The following NMNAT3 variants were observed in gnomAD, a reference collection of about 807,000 sequenced individuals.
NMNAT3 encodes nicotinamide nucleotide adenylyltransferase 3.
A neutral mutation model predicts 24.8 loss-of-function variants in NMNAT3; 21 were observed. The ratio of observed to expected loss-of-function variants is 0.85; its 90% CI spans 0.60 to 1.22. The LOEUF (loss-of-function observed/expected upper bound fraction) is 1.22. Among genes scored for constraint, NMNAT3 ranks in the 50% most tolerant of loss-of-function variants. NMNAT3 has a pLI of 0.00. For synonymous variants in NMNAT3, 136 were observed against 155.2 expected, an observed-to-expected ratio of 0.88 and a Z score of 0.92; for missense variants, 387 against 436.6, an observed-to-expected ratio of 0.89 and a Z score of 1.01.
rs2054487227 is a variant in NMNAT3, at chr3:139,596,914, GTGTATA to G, written c.110-13712_110-13707del. Among the ~76,000 whole-genome samples, 2 of 28,494 alleles carry G rather than the reference GTGTATA, an allele frequency of 7.0e-5. 1 individual carries two copies. The highest frequency in any genetic ancestry group is 5.0e-3 in the South Asian group (2 of 404). The allele number at this position is 28,494 out of a possible 152,430, so 18.7% of individuals were successfully genotyped here. On this transcript the variant is annotated intron_variant, in intron 3 of 6. Transcript: ENST00000643695. ...TTTTTCCACTATATTTTTGTCATGT[GTGTATA>G]TATATATATATATATATATATATAT...
chr3:139,596,916 G>GTATATATATA (rs58824425), intron 3 of NMNAT3, among the ~76,000 whole-genome samples: 44 of 97,098 alleles, frequency 4.5e-4, no homozygotes, highest in African/African-American at 7.0e-4. Context: ...TGTCATGTGT[G>GTATATATATA]TATATATATA....
At chr3:139,670,661 C>T (rs888169307) in intron 1 of NMNAT3, among the ~76,000 whole-genome samples, 2 of 152,178 alleles carry the variant, frequency 1.3e-5, no homozygotes, top group Non-Finnish European at 2.9e-5. Flanking sequence ...TGGCAGTACA[C>T]ACATAATATC....
intron 3 of NMNAT3, chr3:139,583,986 A>G (rs2053799869): frequency 5.4e-6 from 1 of 184,276 alleles, no homozygotes; most frequent in African/African-American, 2.3e-5. Context: ...TTCCTTGGGC[A>G]ATATTGCTAG....
chr3:139,593,382 G>C (rs1405462779), intron 3 of NMNAT3, among the ~76,000 whole-genome samples: 1 of 152,030 alleles, frequency 6.6e-6, no homozygotes, highest in Non-Finnish European at 1.5e-5. Flanking sequence ...ACACCCCACT[G>C]TCAACATTAG....
chr3:139,588,717 C>G (rs550074368), intron 3 of NMNAT3, among the ~76,000 whole-genome samples: 1 of 152,168 alleles, frequency 6.6e-6, no homozygotes, highest in African/African-American at 2.4e-5. Flanking sequence ...TAATCGCCTA[C>G]GTTATCCTCC....
rs142578220 is a variant in NMNAT3 at position 139,631,577 on chromosome 3, G to A, written c.-40-3813C>T. Among the ~76,000 whole-genome samples, 4 of 152,274 alleles carry A rather than the reference G, an allele frequency of 2.6e-5. No individual in the cohort carries two copies. In the East Asian group the frequency reaches 7.7e-4, roughly 29 times the overall value. On this transcript the variant is annotated intron_variant, in intron 2 of 6. Transcript: ENST00000643695. Reference sequence around the variant, plus strand: ...GAAGGATTTAACAAGTTGAGAATGTGGTGTACAGGCTTGTTGGAATTTATC... The same window carrying A: ...GAAGGATTTAACAAGTTGAGAATGTAGTGTACAGGCTTGTTGGAATTTATC...
intron 6 of NMNAT3, chr3:139,572,167 A>C: frequency 2.5e-6 from 1 of 398,744 alleles, no homozygotes; most frequent in Non-Finnish European, 4.4e-6. Flanking sequence ...CTCTGTTCTC[A>C]GCCTGAGCCC....
chr3:139,580,120 C>T (rs928018050), intron 4 of NMNAT3, among the ~76,000 whole-genome samples: 23 of 152,116 alleles, frequency 1.5e-4, no homozygotes, highest in Admixed American at 3.3e-4. Flanking sequence ...TCATAAAAAG[C>T]GTTGGAGAGT....
intron 1 of NMNAT3, among the ~76,000 whole-genome samples, chr3:139,647,943 C>T (rs2056923545): frequency 6.6e-6 from 1 of 152,190 alleles, no homozygotes; most frequent in Admixed American, 6.5e-5. Context: ...AAAGCTATCC[C>T]CCAGATTCTA....
chr3:139,573,571 C>T (rs1166321502), intron 6 of NMNAT3, 27 bp downstream of exon 6: 6 of 1,426,558 alleles, frequency 4.2e-6, no homozygotes, highest in South Asian at 2.6e-5. Flanking sequence ...ATCTCATTCT[C>T]CTACAGACAA....
chr3:139,572,837 C>T (rs1343219986), intron 6 of NMNAT3, among the ~76,000 whole-genome samples: 2 of 152,212 alleles, frequency 1.3e-5, no homozygotes, highest in Non-Finnish European at 2.9e-5. Context: ...AGAGAAACCA[C>T]ATTAGGTGTG....
At chr3:139,603,170 C>T (rs1006873011) in intron 3 of NMNAT3, among the ~76,000 whole-genome samples, 5 of 152,128 alleles carry the variant, frequency 3.3e-5, no homozygotes, top group East Asian at 3.9e-4. Context: ...CTGCAGATTG[C>T]GGATCCTTTG....
chr3:139,571,148 C>T (rs1938239170), intron 6 of NMNAT3: 1 of 152,346 alleles, frequency 6.6e-6, no homozygotes, highest in African/African-American at 2.4e-5. Context: ...CCCTCCGAGC[C>T]ATGTGTGGGA....
At chr3:139,582,301 G>A (rs867562779) in intron 4 of NMNAT3, among the ~76,000 whole-genome samples, 5 of 148,544 alleles carry the variant, frequency 3.4e-5, no homozygotes, top group Middle Eastern at 3.7e-3. Context: ...GTTTATAAAA[G>A]AGATGTCATT....
At chr3:139,618,178 C>T (rs1213957791) in intron 3 of NMNAT3, among the ~76,000 whole-genome samples, 4 of 152,150 alleles carry the variant, frequency 2.6e-5, no homozygotes, top group Non-Finnish European at 5.9e-5. Flanking sequence ...CCCAAACATT[C>T]TTTCAAGTAA....
intron 4 of NMNAT3, 92 bp from the exon 5 acceptor site, chr3:139,579,147 C>A: frequency 9.6e-7 from 1 of 1,046,552 alleles, no homozygotes; most frequent in Non-Finnish European, 1.4e-6. Context: ...GTCTCCAGTG[C>A]CTCATCCTGA....
chr3:139,596,872 T>G (rs1418978088), intron 3 of NMNAT3, among the ~76,000 whole-genome samples: 1 of 145,950 alleles, frequency 6.9e-6, no homozygotes, highest in Non-Finnish European at 1.5e-5. Flanking sequence ...TGGCTGTTCA[T>G]CTTGTGAATG....
At chr3:139,588,212 C>T (rs1465176890) in intron 3 of NMNAT3, among the ~76,000 whole-genome samples, 1 of 152,154 alleles carries the variant, frequency 6.6e-6, no homozygotes. Context: ...AGACACATCT[C>T]CATTACAGCA....
At chr3:139,648,624 C>T (rs113995721) in intron 1 of NMNAT3, among the ~76,000 whole-genome samples, 13 of 152,312 alleles carry the variant, frequency 8.5e-5, no homozygotes, top group Non-Finnish European at 1.8e-4. Flanking sequence ...GTTGGAGAAA[C>T]ATATCTTCAA....
Sources: allele counts gnomAD v4.1 joint callset (sites outside exome capture counted in the v4.1 genomes callset), GRCh38; gene constraint gnomAD v4.1.1; transcripts MANE v1.5; gene names NCBI Gene and HGNC (gene_info 2026-07-23, HGNC 2026-07-21).